Variants in SLC4A4 observed in about 807,000 individuals in gnomAD.
SLC4A4 encodes the protein electrogenic sodium bicarbonate cotransporter 1.
A neutral mutation model predicts 111.5 loss-of-function variants in SLC4A4; 27 were observed. The ratio of observed to expected loss-of-function variants is 0.24; its 90% confidence interval spans 0.18 to 0.33. The LOEUF (loss-of-function observed/expected upper bound fraction) is 0.33, where lower values mean the gene tolerates loss of function less well. Among genes scored for constraint, SLC4A4 ranks in the 10% least tolerant of loss-of-function variants. SLC4A4 has a pLI of 1.00. For missense variants in SLC4A4, 909 were observed against 1,315.5 expected (o/e 0.69, Z 4.78); for synonymous variants, 443 against 463.4 (o/e 0.96, Z 0.57).
intron 1 of SLC4A4, among the ~76,000 whole-genome samples, chr4:71,235,633 C>G (rs1308139373): frequency 1.3e-5 from 2 of 152,198 alleles, no homozygotes; most frequent in East Asian, 3.8e-4. Context: ...TGAAAAGGAG[C>G]TGCAGAATAT....
At chr4:71,231,394 A>G (rs532824153) in intron 1 of SLC4A4, among the ~76,000 whole-genome samples, 1 of 152,342 alleles carries the variant, frequency 6.6e-6, no homozygotes. Context: ...TGCTGGGCTT[A>G]AGTCACCCTT....
chr4:71,427,937 G>A (rs979715223), intron 7 of SLC4A4, among the ~76,000 whole-genome samples: 2 of 152,072 alleles, frequency 1.3e-5, no homozygotes, highest in African/African-American at 4.8e-5. Context: ...TGTCAAGTCT[G>A]TTTTTTTCTA....
intron 2 of SLC4A4, among the ~76,000 whole-genome samples, chr4:71,144,764 A>G (rs986705984): frequency 2.6e-5 from 4 of 152,188 alleles, no homozygotes; most frequent in African/African-American, 9.7e-5. Context: ...TTGTCGGTGT[A>G]TAAGAATGCT....
intron 2 of SLC4A4, among the ~76,000 whole-genome samples, chr4:71,249,957 A>G (rs957240600): frequency 1.3e-5 from 2 of 152,150 alleles, no homozygotes; most frequent in Admixed American, 6.5e-5. Flanking sequence ...CTTGTTAAAT[A>G]AAAGTGTCAA....
intron 7 of SLC4A4, among the ~76,000 whole-genome samples, chr4:71,423,642 G>A (rs918804797): frequency 1.3e-5 from 2 of 152,122 alleles, no homozygotes; most frequent in African/African-American, 4.8e-5. Flanking sequence ...CCAAAACAGA[G>A]ATCTAGATCA....
intron 16 of SLC4A4, among the ~76,000 whole-genome samples, chr4:71,530,843 G>A (rs1733850287): frequency 1.3e-5 from 2 of 152,144 alleles, no homozygotes; most frequent in South Asian, 2.1e-4. Context: ...CTTCAGAGGC[G>A]TGCATCCACT....
At chr4:71,421,115 G>C (rs1165255289) in intron 7 of SLC4A4, among the ~76,000 whole-genome samples, 7 of 150,366 alleles carry the variant, frequency 4.7e-5, no homozygotes, top group African/African-American at 1.7e-4. Flanking sequence ...GACACACATA[G>C]GCTCAAAATA....
chr4:71,361,348 C>T (rs1386241722), intron 6 of SLC4A4, among the ~76,000 whole-genome samples: 3 of 152,034 alleles, frequency 2.0e-5, no homozygotes, highest in Non-Finnish European at 4.4e-5. Flanking sequence ...GGGTTCAAGA[C>T]GATTTTATGT....
intron 6 of SLC4A4, among the ~76,000 whole-genome samples, chr4:71,376,302 C>T (rs762393955): frequency 2.7e-5 from 4 of 150,494 alleles, no homozygotes; most frequent in East Asian, 2.0e-4. Context: ...CTCGGGTTCA[C>T]GCCATTCTCC....
intron 2 of SLC4A4, among the ~76,000 whole-genome samples, chr4:71,151,551 T>C (rs1744311924): frequency 6.6e-6 from 1 of 152,132 alleles, no homozygotes; most frequent in Non-Finnish European, 1.5e-5. Context: ...TTCTTTCCTC[T>C]GTTTATTCTT....
At chr4:71,089,364 A>G (rs1578468166) in intron 1 of SLC4A4, among the ~76,000 whole-genome samples, 1 of 151,686 alleles carries the variant, frequency 6.6e-6, no homozygotes, top group Non-Finnish European at 1.5e-5. Context: ...AGCTTGGTGT[A>G]GTTTGATTGT....
chr4:71,223,332 C>T (rs920824243), intron 1 of SLC4A4, among the ~76,000 whole-genome samples: 4 of 151,924 alleles, frequency 2.6e-5, no homozygotes, highest in African/African-American at 7.3e-5. Context: ...CCCACCCCCG[C>T]GCCTGTCTAA....
chr4:71,525,667 A>G (rs1347279928), intron 16 of SLC4A4, among the ~76,000 whole-genome samples: 1 of 152,122 alleles, frequency 6.6e-6, no homozygotes, highest in Non-Finnish European at 1.5e-5. Flanking sequence ...AGGGCTCTGA[A>G]GCCACAGGTT....
At chr4:71,538,391 A>C (rs1161914579) in intron 18 of SLC4A4, among the ~76,000 whole-genome samples, 4 of 152,168 alleles carry the variant, frequency 2.6e-5, no homozygotes, top group African/African-American at 4.8e-5. Context: ...CACCTTCAGA[A>C]TTGCCACTTG....
intron 2 of SLC4A4, among the ~76,000 whole-genome samples, chr4:71,156,556 AT>A (rs56317469): frequency 0.02 from 2,975 of 150,180 alleles, 50 homozygotes; most frequent in African/African-American, 0.036. Flanking sequence ...TTATGTCCAA[AT>A]AAGTGTGTGC....
rs368983343 is a variant in SLC4A4, at chr4:71,450,428, G to A, written c.1093G>A (p.Asp365Asn). The change falls in exon 10 of 26, where the codon GAC becomes AAC. Residue 365 changes from aspartate (D) to asparagine (N), a missense_variant. Asp to Asn is a conservative substitution (Grantham distance 23). Transcript: ENST00000264485. ...TGCTTATAAAGCAAAAGACAGGCAC[G>A]ACCTGATTGCTGGTATTGATGAGTT... is the stretch of plus-strand genomic sequence containing the variant. The part of the protein sequence containing the change: ...DIAYKAKDRH[D>N]LIAGIDEFLD... The A allele has an allele frequency of 3.1e-6, 5 of 1,612,130 alleles. No individual in the cohort carries two copies. The highest frequency in any genetic ancestry group is 1.3e-5 in the African/African-American group (1 of 74,852).
At chr4:71,305,390 T>C (rs1386751951) in intron 3 of SLC4A4, among the ~76,000 whole-genome samples, 1 of 152,236 alleles carries the variant, frequency 6.6e-6, no homozygotes, top group Non-Finnish European at 1.5e-5. Context: ...CAACTGTCCC[T>C]TTAGCATGGC....
chr4:71,409,509 G>T (rs1721168779), intron 7 of SLC4A4, among the ~76,000 whole-genome samples: 1 of 152,196 alleles, frequency 6.6e-6, no homozygotes, highest in Non-Finnish European at 1.5e-5. Flanking sequence ...CTTGAGAGAG[G>T]TGATTTAAGG....
At chr4:71,182,658 A>G (rs184310080), upstream of SLC4A4, among the ~76,000 whole-genome samples, 1 of 152,178 alleles carries the variant, frequency 6.6e-6, no homozygotes, top group Admixed American at 6.5e-5. Flanking sequence ...GATACAAAGG[A>G]AAAAACACCT....
Sources: gnomAD v4.1 joint callset for allele counts (sites outside exome capture counted in the v4.1 genomes callset) on GRCh38, gnomAD v4.1.1 for gene constraint, MANE v1.5 for transcripts, NCBI Gene and HGNC (gene_info 2026-07-23, HGNC 2026-07-21) for gene names.